The following ANKS3 variants were observed in gnomAD, a reference collection of about 807,000 sequenced individuals.
The protein encoded by ANKS3 is ankyrin repeat and sterile alpha motif domain containing 3.
A neutral mutation model predicts 80.7 loss-of-function variants in ANKS3; 62 were observed. That is an observed-to-expected ratio of 0.77 (90% CI 0.63 to 0.95). ANKS3 has a LOEUF of 0.95. ANKS3 is among the 40% of genes least tolerant of loss of function. The probability of loss-of-function intolerance (pLI) is 0.00; values close to 1 mark genes in which losing one functional copy is unlikely to be tolerated. For missense variants in ANKS3, 1,150 were observed against 883.6 expected (o/e 1.30, Z -3.82); for synonymous variants, 489 against 355.3 (o/e 1.38, Z -4.23).
chr16:4,731,249 A>C (rs1266355040), intron 2 of ANKS3, among the ~76,000 whole-genome samples: 1 of 152,200 alleles, frequency 6.6e-6, no homozygotes, highest in Admixed American at 6.5e-5. Context: ...GAAACCACAG[A>C]ACTGAACACC....
chr16:4,713,967 C>CG, intron 7 of ANKS3, 84 bp downstream of exon 7: 1 of 1,540,208 alleles, frequency 6.5e-7, no homozygotes, highest in African/African-American at 1.4e-5. Context: ...GCCGGGGAAG[C>CG]GGGGGACATC....
In ANKS3 at chr16:4,698,894, T is replaced by C. The variant is rs1357608373; in HGVS notation, c.1457A>G (p.His486Arg). Residue 486 changes from histidine (H) to arginine (R), a missense_variant, in exon 13 of 18, where the codon CAC (histidine) becomes CGC (arginine). By Grantham distance (29) the His-to-Arg change is conservative. Transcript: ENST00000304283. ...RKMTSAIARW[H>R]SSARPPGDAL... ...ATCCCCGGGTGGGCGGGCACTGCTG[T>C]GCCAGCGGGCAATGGCGGACGTCAT... 2 of 1,600,014 alleles carry C rather than the reference T, an allele frequency of 1.2e-6. No individual in the cohort carries two copies. Among genetic ancestry groups the C allele is most frequent in the South Asian group, 2.2e-5 (2 of 88,912 alleles).
intron 1 of ANKS3, among the ~76,000 whole-genome samples, chr16:4,733,633 G>C (rs957967745): frequency 6.6e-6 from 1 of 152,154 alleles, no homozygotes; most frequent in African/African-American, 2.4e-5. Flanking sequence ...TAATCATATT[G>C]TTTGTAACAC....
chr16:4,704,940 G>T (rs551799015), intron 8 of ANKS3, among the ~76,000 whole-genome samples, 155 bp downstream of exon 8: 3 of 152,356 alleles, frequency 2.0e-5, no homozygotes, highest in Admixed American at 2.0e-4. Flanking sequence ...ACTCAATCCT[G>T]AGTCTCCCTG....
At chr16:4,700,874 A>G (rs895632306) in intron 11 of ANKS3, 96 bp downstream of exon 11, 5 of 1,495,068 alleles carry the variant, frequency 3.3e-6, no homozygotes, top group Non-Finnish European at 4.6e-6. Flanking sequence ...CTGTTCTCCT[A>G]GCAGCGCCTG....
Position 4,704,711 on chromosome 16 carries a change from G to A in ANKS3, c.868+384C>T, listed in dbSNP as rs190300939. Reference sequence around the variant, plus strand: ...GCCTCCTGCCCCCAGCAGCGCACCCGACCCAGCTGGTATGGGCAGGGCAGG... The same window carrying A: ...GCCTCCTGCCCCCAGCAGCGCACCCAACCCAGCTGGTATGGGCAGGGCAGG... On this transcript the variant is annotated intron_variant, in intron 8 of 17. Coordinates refer to ENST00000304283, the MANE Select transcript of ANKS3 (RefSeq NM_133450.4). Among the ~76,000 whole-genome samples the A allele has an allele frequency of 3.2e-4, 49 of 152,314 alleles. No individual in the cohort carries two copies. In the South Asian group the frequency reaches 7.2e-3, roughly 23 times the overall value.
intron 5 of ANKS3, among the ~76,000 whole-genome samples, chr16:4,725,803 G>A (rs1368126265): frequency 1.3e-5 from 2 of 152,048 alleles, no homozygotes; most frequent in Non-Finnish European, 2.9e-5. Context: ...GGGATTACAG[G>A]CACCTGCCAC....
chr16:4,726,381 G>A (rs993895675), intron 5 of ANKS3, among the ~76,000 whole-genome samples: 2 of 152,210 alleles, frequency 1.3e-5, no homozygotes, highest in Non-Finnish European at 2.9e-5. Flanking sequence ...CAGTATGTTA[G>A]GCCCCTGGCA....
chr16:4,731,678 A>G (rs1001748318), intron 1 of ANKS3, 99 bp from the exon 2 acceptor site: 5 of 658,732 alleles, frequency 7.6e-6, no homozygotes, highest in Non-Finnish European at 9.4e-6. Context: ...ATAGAAAGCA[A>G]TTCCCCAACA....
intron 1 of ANKS3, among the ~76,000 whole-genome samples, chr16:4,732,106 C>A (rs1050497654): frequency 3.3e-5 from 5 of 152,178 alleles, no homozygotes; most frequent in Non-Finnish European, 7.3e-5. Context: ...GAACACTTCA[C>A]AGACCCTTGG....
At chr16:4,713,375 C>G (rs914787241) in intron 7 of ANKS3, among the ~76,000 whole-genome samples, 1 of 152,014 alleles carries the variant, frequency 6.6e-6, no homozygotes, top group African/African-American at 2.4e-5. Context: ...ACGTATCCAA[C>G]CACCACCTGT....
In ANKS3 at chr16:4,701,228, C is replaced by G. The variant is rs534018882; in HGVS notation, c.1120-94G>C. 10 of 1,560,740 alleles carry G rather than the reference C, an allele frequency of 6.4e-6. No homozygotes were observed. In the South Asian group the frequency reaches 6.8e-5, roughly 11 times the overall value. On this transcript the variant is annotated intron_variant, in intron 10 of 17. Transcript: ENST00000304283. ...CGCCACACAGGGGCTTGAGAGGCTT[C>G]GTGAAACCCCCCACCCGCCACACAG... is the stretch of plus-strand genomic sequence containing the variant.
At chr16:4,715,058 A>C (rs2080720806) in intron 6 of ANKS3, among the ~76,000 whole-genome samples, 1 of 151,246 alleles carries the variant, frequency 6.6e-6, no homozygotes, top group Admixed American at 6.6e-5. Context: ...AAACCTACCT[A>C]GAGAAAACTT....
intron 6 of ANKS3, among the ~76,000 whole-genome samples, chr16:4,722,408 G>A (rs1011672347): frequency 1.3e-5 from 2 of 151,644 alleles, no homozygotes; most frequent in African/African-American, 2.4e-5. Context: ...GTGAAACCTT[G>A]TCTCTACTAA....
intron 1 of ANKS3, among the ~76,000 whole-genome samples, 152 bp downstream of exon 1, chr16:4,733,786 T>C (rs2081796995): frequency 6.6e-6 from 1 of 152,064 alleles, no homozygotes; most frequent in Non-Finnish European, 1.5e-5. Flanking sequence ...TTTTTAAAAA[T>C]CTTAACAAAT....
intron 6 of ANKS3, among the ~76,000 whole-genome samples, chr16:4,714,692 G>C (rs905354128): frequency 6.6e-6 from 1 of 152,186 alleles, no homozygotes; most frequent in African/African-American, 2.4e-5. Context: ...AGGCTTTAGT[G>C]CACAAAGATG....
intron 6 of ANKS3, among the ~76,000 whole-genome samples, chr16:4,720,234 C>T (rs2081018478): frequency 6.8e-6 from 1 of 146,952 alleles, no homozygotes; most frequent in Non-Finnish European, 1.5e-5. Flanking sequence ...AAGACCAAGG[C>T]GGGCGGGTCA....
chr16:4,721,234 G>C (rs1248052801), intron 6 of ANKS3, among the ~76,000 whole-genome samples: 1 of 149,762 alleles, frequency 6.7e-6, no homozygotes, highest in African/African-American at 2.4e-5. Flanking sequence ...GAACCCGGAA[G>C]TCTGAGGTTG....
chr16:4,731,834 A>G (rs930377331), intron 1 of ANKS3, among the ~76,000 whole-genome samples: 2 of 152,094 alleles, frequency 1.3e-5, no homozygotes, highest in African/African-American at 2.4e-5. Flanking sequence ...ATGGGCCTAC[A>G]TGGGTAACGG....
Sources: allele counts gnomAD v4.1 joint callset (sites outside exome capture counted in the v4.1 genomes callset), GRCh38; gene constraint gnomAD v4.1.1; transcripts MANE v1.5; gene names NCBI Gene and HGNC (gene_info 2026-07-23, HGNC 2026-07-21).